ZDHHC21: variants seen among roughly 807,000 people sequenced by gnomAD.
The protein encoded by ZDHHC21 is zDHHC palmitoyltransferase 21, also known as palmitoyltransferase ZDHHC21.
In ZDHHC21, 15 loss-of-function variants were observed where a neutral mutation model predicts 34.6. The observed-to-expected ratio is 0.43, with a 90% CI of 0.29 to 0.67. The LOEUF is 0.67. ZDHHC21 is among the 30% of genes least tolerant of loss of function. The pLI, the probability that ZDHHC21 is intolerant of heterozygous loss-of-function variation, is 0.14. For synonymous variants in ZDHHC21, 142 were observed against 101.8 expected (o/e 1.40, Z -2.38); for missense variants, 344 against 327.7 (o/e 1.05, Z -0.38).
At chr9:14,589,085 T>G in the ZDHHC21 span, 1 of 152,150 alleles carries the variant, frequency 6.6e-6, no homozygotes, top group South Asian at 2.1e-4. Context: ...TGATGCTGTA[T>G]GACATCTGCA....
At chr9:14,692,129 C>T (rs577230319) in intron 1 of ZDHHC21, among the ~76,000 whole-genome samples, 8 of 152,214 alleles carry the variant, frequency 5.3e-5, no homozygotes, top group South Asian at 2.1e-4. Context: ...AGAGATGGCA[C>T]AAACTAAGGA....
chr9:14,600,506 C>A, the ZDHHC21 span, among the ~76,000 whole-genome samples: 920 of 152,204 alleles, frequency 6.0e-3, 10 homozygotes, highest in African/African-American at 0.02. Context: ...TCAGAGAGGA[C>A]ACAAACAAAT....
intron 8 of ZDHHC21, among the ~76,000 whole-genome samples, chr9:14,631,316 C>T (rs1666151423): frequency 6.6e-6 from 1 of 152,208 alleles, no homozygotes; most frequent in African/African-American, 2.4e-5. Context: ...TAGCTTCCAA[C>T]TTTTCTTCTC....
chr9:14,692,527 T>C (rs1345624635), intron 1 of ZDHHC21, among the ~76,000 whole-genome samples: 2 of 152,142 alleles, frequency 1.3e-5, no homozygotes, highest in Admixed American at 6.5e-5. Flanking sequence ...TCAGCCCTGG[T>C]GATACAGACA....
chr9:14,677,009 C>T (rs536525127), intron 3 of ZDHHC21, among the ~76,000 whole-genome samples: 2 of 151,906 alleles, frequency 1.3e-5, no homozygotes, highest in Non-Finnish European at 2.9e-5. Flanking sequence ...CAGAAAAGTA[C>T]ATGAGCCAGC....
chr9:14,629,976 A>T (rs1453172883), intron 8 of ZDHHC21, among the ~76,000 whole-genome samples: 1 of 152,050 alleles, frequency 6.6e-6, no homozygotes, highest in Non-Finnish European at 1.5e-5. Context: ...AACCCGAGAG[A>T]CAGAGGTTGC....
the ZDHHC21 span, among the ~76,000 whole-genome samples, chr9:14,604,132 G>A: frequency 6.6e-6 from 1 of 152,154 alleles, no homozygotes; most frequent in Admixed American, 6.5e-5. Context: ...GGATGTGGGG[G>A]AAGATGAAAC....
rs143588638 is a variant in ZDHHC21, at chr9:14,612,843, T to TACACACACAC, written c.*6113_*6122dup. 1.7e-3 allele frequency: 245 copies of TACACACACAC among 143,332 alleles called. 1 individual carries two copies. Among genetic ancestry groups the TACACACACAC allele is most frequent in the African/African-American group, 5.1e-3 (199 of 38,774 alleles). The allele number at this position is 143,332 out of a possible 1,614,324, so 8.9% of individuals were successfully genotyped here. A position where few individuals can be genotyped will look rare whatever the true frequency, so the allele number is the denominator to read the frequency against. On this transcript the variant is annotated 3_prime_UTR_variant, in exon 10 of 10. Transcript: ENST00000380916. ...ATTATTCTTTAAAGCCACTAAAGAT[T>TACACACACAC]ACACACACACACACACACACACACA...
Position 14,621,878 on chromosome 9 carries a change from T to TA in ZDHHC21, c.622-2197dup, listed in dbSNP as rs1002063169. Among the ~76,000 whole-genome samples the TA allele has an allele frequency of 7.2e-5, 11 of 151,998 alleles. No homozygotes were observed. In the East Asian group the frequency reaches 1.2e-3, roughly 16 times the overall value. On this transcript the variant is annotated intron_variant, in intron 8 of 9. Transcript: ENST00000380916. ...ATTAAGTTAAATATACTTTTGGAATTAAAAAAAACCACTAAAAAATATTTT... is the reference window on the plus strand; with the variant it reads ...ATTAAGTTAAATATACTTTTGGAATTAAAAAAAAACCACTAAAAAATATTTT...
intron 8 of ZDHHC21, among the ~76,000 whole-genome samples, chr9:14,639,583 T>C (rs1448170148): frequency 6.6e-6 from 1 of 152,070 alleles, no homozygotes; most frequent in Non-Finnish European, 1.5e-5. Context: ...CATTATATAT[T>C]ATATGCATGT....
Position 14,658,791 on chromosome 9 carries a change from G to T in ZDHHC21, c.462C>A (p.Phe154Leu). ...GTGGAAGAAAATAGTAATAGTGGCAGAAAGAAAACATCAGTGCGTAGCAAG... is the reference window on the plus strand; with the variant it reads ...GTGGAAGAAAATAGTAATAGTGGCATAAAGAAAACATCAGTGCGTAGCAAG... ...LLTCYALMFS[F>L]CHYYYFLPLK... Residue 154 changes from phenylalanine (F) to leucine (L), a missense_variant, in exon 7 of 10, where the codon TTC (phenylalanine) becomes TTA (leucine). By Grantham distance (22) the Phe-to-Leu change is conservative. Coordinates refer to ENST00000380916, the MANE Select transcript of ZDHHC21 (RefSeq NM_178566.6). 6.2e-7 allele frequency: 1 copy of T among 1,613,762 alleles called. No homozygotes were observed. Among genetic ancestry groups the T allele is most frequent in the Non-Finnish European group, 8.5e-7 (1 of 1,179,900 alleles).
At position 14,660,372 on chromosome 9, in the gene ZDHHC21, CAAAAAAAAAAAAAAA is replaced by C. The variant is rs374162221; in HGVS notation, c.366-1500_366-1486del. Among the ~76,000 whole-genome samples, 2 of 58,802 alleles carry C rather than the reference CAAAAAAAAAAAAAAA, an allele frequency of 3.4e-5. 1 individual carries two copies. Among genetic ancestry groups the C allele is most frequent in the Non-Finnish European group, 5.7e-5 (2 of 35,382 alleles). 38.6% of individuals were successfully genotyped at this position (58,802 alleles called of 152,430 possible). A position where few individuals can be genotyped will look rare whatever the true frequency, so the allele number is the denominator to read the frequency against. ...TGGGCAACAGAGTAAGACTCCATCT[CAAAAAAAAAAAAAAA>C]AAAAAAAGAATGATCAGAGCCACAA... On this transcript the variant is annotated intron_variant, in intron 6 of 9. Transcript: ENST00000380916.
intron 7 of ZDHHC21, among the ~76,000 whole-genome samples, chr9:14,650,126 T>A (rs749362944): frequency 3.3e-5 from 5 of 152,046 alleles, no homozygotes; most frequent in Non-Finnish European, 7.4e-5. Flanking sequence ...AGATTTATTA[T>A]AAGGTTTCTG....
At chr9:14,684,548 A>G (rs1837965595) in intron 2 of ZDHHC21, among the ~76,000 whole-genome samples, 1 of 151,458 alleles carries the variant, frequency 6.6e-6, no homozygotes, top group South Asian at 2.1e-4. Context: ...CAATGAAATA[A>G]AAGAGGAAAC....
At chr9:14,643,540 A>G (rs1335704262) in intron 7 of ZDHHC21, among the ~76,000 whole-genome samples, 3 of 152,190 alleles carry the variant, frequency 2.0e-5, no homozygotes, top group Non-Finnish European at 4.4e-5. Flanking sequence ...CAATGTATCA[A>G]TCTTTTCCTT....
At chr9:14,594,743 G>T in the ZDHHC21 span, among the ~76,000 whole-genome samples, 1 of 152,062 alleles carries the variant, frequency 6.6e-6, no homozygotes, top group East Asian at 1.9e-4. Flanking sequence ...TTAAGAAAAT[G>T]AAAAGACAAA....
At chr9:14,639,765 G>T in intron 8 of ZDHHC21, 131 bp downstream of exon 8, 1 of 498,256 alleles carries the variant, frequency 2.0e-6, no homozygotes. Context: ...AATTACATAG[G>T]CACATGAAAG....
At chr9:14,608,806 G>A (rs1823104626), downstream of ZDHHC21, among the ~76,000 whole-genome samples, 2 of 152,034 alleles carry the variant, frequency 1.3e-5, no homozygotes, top group South Asian at 4.2e-4. Context: ...TCAGCCTAGA[G>A]CAGCATTTGT....
chr9:14,684,116 G>A (rs982660233), intron 2 of ZDHHC21, among the ~76,000 whole-genome samples: 3 of 151,860 alleles, frequency 2.0e-5, no homozygotes, highest in Admixed American at 6.6e-5. Context: ...GCAAAAACTG[G>A]AAGCATTCCC....
Sources: allele counts gnomAD v4.1 joint callset (sites outside exome capture counted in the v4.1 genomes callset), GRCh38; gene constraint gnomAD v4.1.1; transcripts MANE v1.5; gene names NCBI Gene and HGNC (gene_info 2026-07-23, HGNC 2026-07-21).